The following PRKG1 variants were observed in gnomAD, a reference collection of about 807,000 sequenced individuals.
PRKG1 encodes protein kinase cGMP-dependent 1, also known as cGMP-dependent protein kinase 1.
A neutral mutation model predicts 88.1 loss-of-function variants in PRKG1; 35 were observed. The ratio of observed to expected loss-of-function variants is 0.40; its 90% CI spans 0.30 to 0.53. PRKG1 has a LOEUF of 0.53. Among genes scored for constraint, PRKG1 ranks in the 20% least tolerant of loss-of-function variants. The probability of loss-of-function intolerance (pLI) is 0.59; values close to 1 mark genes in which losing one functional copy is unlikely to be tolerated. For missense variants in PRKG1, 540 were observed against 839.8 expected (o/e 0.64, Z 4.41); for synonymous variants, 303 against 292.5 (o/e 1.04, Z -0.37).
intron 7 of PRKG1, among the ~76,000 whole-genome samples, chr10:52,066,577 C>T (rs34229993): frequency 0.18 from 27,472 of 152,022 alleles, 3,145 homozygotes; most frequent in South Asian, 0.29. Context: ...GTTATGAGCT[C>T]GCTTGACCAT....
At chr10:51,909,130 T>C (rs11000060) in intron 5 of PRKG1, 28,297 of 152,164 alleles carry the variant, frequency 0.19, 3,110 homozygotes, top group East Asian at 0.49. Flanking sequence ...CCCTGAGGTT[T>C]CTGTTGTAAA....
At chr10:52,166,914 C>CACACAT (rs1356346781) in intron 9 of PRKG1, among the ~76,000 whole-genome samples, 6 of 134,480 alleles carry the variant, frequency 4.5e-5, no homozygotes, top group Non-Finnish European at 7.8e-5. Context: ...CACACACACA[C>CACACAT]ACATATATAT....
chr10:51,581,018 C>T (rs887550010), intron 3 of PRKG1, among the ~76,000 whole-genome samples: 1 of 152,024 alleles, frequency 6.6e-6, no homozygotes, highest in African/African-American at 2.4e-5. Flanking sequence ...GGGGGGGTCA[C>T]TGCCTTCTGG....
At chr10:51,960,141 AAACC>A (rs1384170261) in intron 5 of PRKG1, among the ~76,000 whole-genome samples, 1 of 149,982 alleles carries the variant, frequency 6.7e-6, no homozygotes, top group Non-Finnish European at 1.5e-5. Context: ...TTTTTAAGCC[AAACC>A]AACCAGAAAA....
intron 7 of PRKG1, among the ~76,000 whole-genome samples, chr10:52,104,584 CA>C (rs1370310109): frequency 6.6e-6 from 1 of 151,974 alleles, no homozygotes; most frequent in Admixed American, 6.6e-5. Context: ...AACTATTTGG[CA>C]CATAGGTTTA....
At chr10:52,150,203 C>T (rs922830693) in intron 8 of PRKG1, among the ~76,000 whole-genome samples, 1 of 115,414 alleles carries the variant, frequency 8.7e-6, no homozygotes, top group South Asian at 2.9e-4. Flanking sequence ...GCCATAAGGG[C>T]AGGATTTGAG....
chr10:51,888,949 C>T (rs184604267), intron 4 of PRKG1, among the ~76,000 whole-genome samples: 5 of 152,100 alleles, frequency 3.3e-5, no homozygotes, highest in East Asian at 3.9e-4. Flanking sequence ...TACAAAGTAA[C>T]GTGACTGGGA....
At chr10:51,743,737 A>AATATATATATATATATATATAT (rs369411662) in intron 3 of PRKG1, among the ~76,000 whole-genome samples, 1 of 40,376 alleles carries the variant, frequency 2.5e-5, no homozygotes, top group African/African-American at 8.6e-5. Flanking sequence ...ATATAAACTA[A>AATATATATATATATATATATAT]ATATATATAT....
intron 3 of PRKG1, among the ~76,000 whole-genome samples, chr10:51,678,053 T>C (rs1194144545): frequency 1.3e-5 from 2 of 152,196 alleles, no homozygotes; most frequent in Non-Finnish European, 2.9e-5. Flanking sequence ...TGTTGGCACA[T>C]TTAGCCACTT....
chr10:51,535,537 A>G (rs983502329), intron 3 of PRKG1, among the ~76,000 whole-genome samples: 2 of 152,190 alleles, frequency 1.3e-5, no homozygotes, highest in South Asian at 2.1e-4. Flanking sequence ...GAATAAATCA[A>G]TTTTTGTTAT....
chr10:51,952,271 G>T (rs1843202787), intron 5 of PRKG1, among the ~76,000 whole-genome samples: 1 of 152,158 alleles, frequency 6.6e-6, no homozygotes, highest in Admixed American at 6.5e-5. Context: ...TCAGAATCTA[G>T]GAGCAAAGGC....
chr10:51,179,140 G>A (rs1203141979), intron 2 of PRKG1, among the ~76,000 whole-genome samples: 1 of 152,174 alleles, frequency 6.6e-6, no homozygotes, highest in Non-Finnish European at 1.5e-5. Flanking sequence ...TTATGAATAT[G>A]TAAATTGGTG....
intron 3 of PRKG1, among the ~76,000 whole-genome samples, chr10:51,564,230 A>G (rs938366857): frequency 7.5e-6 from 1 of 133,408 alleles, no homozygotes; most frequent in East Asian, 1.9e-4. Flanking sequence ...AAACAAAACA[A>G]AACAAAAAAA....
chr10:52,072,158 C>CA (rs1846513431), intron 7 of PRKG1, among the ~76,000 whole-genome samples: 1 of 39,564 alleles, frequency 2.5e-5, no homozygotes, highest in South Asian at 1.7e-3. Context: ...TATTGTTTTG[C>CA]TTTTTTTTTT....
intron 3 of PRKG1, among the ~76,000 whole-genome samples, chr10:51,545,482 CAT>C: frequency 1.3e-5 from 2 of 152,222 alleles, no homozygotes; most frequent in East Asian, 3.9e-4. Context: ...GGATGGAAAG[CAT>C]CCCTTCCTGG....
intron 4 of PRKG1, among the ~76,000 whole-genome samples, chr10:51,843,093 CTTTTTTTTTT>C (rs1167219822): frequency 1.3e-4 from 11 of 87,912 alleles, no homozygotes; most frequent in Admixed American, 7.7e-4. Context: ...GAAAATTATT[CTTTTTTTTTT>C]TTTTTTTTTT....
intron 1 of PRKG1, among the ~76,000 whole-genome samples, chr10:51,038,735 AT>A (rs2132755043): frequency 6.6e-6 from 1 of 152,180 alleles, no homozygotes; most frequent in South Asian, 2.1e-4. Flanking sequence ...TTATCGTTTG[AT>A]GGGCACTTAG....
chr10:51,385,684 T>C (rs1465569780), intron 2 of PRKG1, among the ~76,000 whole-genome samples: 1 of 152,178 alleles, frequency 6.6e-6, no homozygotes. Context: ...AAACCAGTCC[T>C]TAAATCAGGG....
chr10:51,229,631 C>T (rs571482345), intron 2 of PRKG1, among the ~76,000 whole-genome samples: 78 of 152,140 alleles, frequency 5.1e-4, no homozygotes, highest in Middle Eastern at 3.4e-3. Context: ...AGCTTCAGTT[C>T]AGAAATTTAG....
Sources: gnomAD v4.1 joint callset for allele counts (sites outside exome capture counted in the v4.1 genomes callset) on GRCh38, gnomAD v4.1.1 for gene constraint, MANE v1.5 for transcripts, NCBI Gene and HGNC (gene_info 2026-07-23, HGNC 2026-07-21) for gene names.